LPCAT1: variants seen among roughly 807,000 people sequenced by gnomAD.
LPCAT1 encodes the protein 1-acylglycerol-3-phosphate O-acyltransferase.
A neutral mutation model predicts 60.9 loss-of-function variants in LPCAT1; 23 were observed. The observed-to-expected ratio is 0.38, with a 90% CI of 0.27 to 0.53. The LOEUF (loss-of-function observed/expected upper bound fraction) is 0.53. LPCAT1 is among the 20% of genes least tolerant of loss of function. The pLI, the probability that LPCAT1 is intolerant of heterozygous loss-of-function variation, is 0.82. For missense variants in LPCAT1, 622 were observed against 723.6 expected, an observed-to-expected ratio of 0.86 and a Z score of 1.61; for synonymous variants, 340 against 301.1, an observed-to-expected ratio of 1.13 and a Z score of -1.34.
Position 1,483,293 on chromosome 5 carries a change from C to T in LPCAT1, c.726+135G>A. 9.9e-7 allele frequency: 1 copy of T among 1,010,404 alleles called. No homozygotes were observed. Among genetic ancestry groups the T allele is most frequent in the Non-Finnish European group, 1.6e-6 (1 of 642,266 alleles). The allele number at this position is 1,010,404 out of a possible 1,614,324, so 62.6% of individuals were successfully genotyped here. ...CTCCAGCGCTGAGGCCGGATGGACT[C>T]AGCATGGCCAAGTGTGGGCTGTGGC... On this transcript the variant is annotated intron_variant, in intron 6 of 13. Coordinates refer to ENST00000283415, the MANE Select transcript of LPCAT1 (RefSeq NM_024830.5). The surrounding 1 kb of genome is among the most constrained non-coding windows in gnomAD (Gnocchi z 9.2).
chr5:1,469,503 G>T (rs551621416), intron 12 of LPCAT1, among the ~76,000 whole-genome samples: 1 of 152,364 alleles, frequency 6.6e-6, no homozygotes, highest in South Asian at 2.1e-4. Flanking sequence ...AGAACGGGGG[G>T]CGGTGGCTCA....
At chr5:1,509,815 G>A (rs2963284) in intron 1 of LPCAT1, among the ~76,000 whole-genome samples, 6 of 152,128 alleles carry the variant, frequency 3.9e-5, no homozygotes, top group Non-Finnish European at 5.9e-5. Flanking sequence ...ATGTGAAAAA[G>A]TGGCACCGTG....
At chr5:1,504,692 C>G (rs1209767259) in intron 1 of LPCAT1, among the ~76,000 whole-genome samples, 3 of 113,050 alleles carry the variant, frequency 2.7e-5, no homozygotes, top group African/African-American at 1.1e-4. Context: ...CTAGCCTGGG[C>G]AACAAGAGCG....
chr5:1,485,950 G>A lies in LPCAT1; in HGVS notation c.667+2441C>T, dbSNP rs556323223. 5.9e-5 allele frequency among the ~76,000 whole-genome samples: 9 copies of A among 152,338 alleles called. No homozygotes were observed. The South Asian group carries it at 1.7e-3, about 28-fold the overall frequency. On this transcript the variant is annotated intron_variant, in intron 5 of 13. Transcript: ENST00000283415. ...GCATCCTCGGGCTGTCAGTGCCATC[G>A]CTGGGCCCACGCAGCATCCTAGGGC... is the stretch of plus-strand genomic sequence containing the variant.
In LPCAT1 at chr5:1,463,603, C is replaced by T. The variant is rs765237765; in HGVS notation, c.*48G>A. On this transcript the variant is annotated 3_prime_UTR_variant, in exon 14 of 14. Transcript: ENST00000283415. ...AGGTCACTCGCAAAGAGGCTCATGG[C>T]GGTGATGTCCACGCGGGAGGGGCCG... The T allele has an allele frequency of 2.4e-5, 38 of 1,595,038 alleles. No individual in the cohort carries two copies. The African/African-American group carries it at 3.4e-4, about 14-fold the overall frequency.
In LPCAT1 at chr5:1,496,215, G is replaced by T. The variant is rs906783562; in HGVS notation, c.279-1301C>A. The stretch of plus-strand genomic sequence containing the variant: ...GTCTCTACTAAAAATACAAAAATTA[G>T]CTGGGCATGGTGGCAGGCGTCTGTA... On this transcript the variant is annotated intron_variant, in intron 2 of 13. Transcript: ENST00000283415. This position sits in a 1 kb window ranked among gnomAD's most constrained non-coding sequence, Gnocchi z 4.7. Among the ~76,000 whole-genome samples the T allele has an allele frequency of 1.3e-5, 2 of 152,050 alleles. No homozygotes were observed. Among genetic ancestry groups the T allele is most frequent in the Non-Finnish European group, 2.9e-5 (2 of 68,004 alleles).
At chr5:1,504,521 A>G (rs1265751131) in intron 1 of LPCAT1, among the ~76,000 whole-genome samples, 1 of 152,218 alleles carries the variant, frequency 6.6e-6, no homozygotes, top group Non-Finnish European at 1.5e-5. Flanking sequence ...GTTCGAGACC[A>G]GCCTGACCAA....
chr5:1,483,314 G>A lies in LPCAT1; in HGVS notation c.726+114C>T. 1 of 1,154,100 alleles carries A rather than the reference G, an allele frequency of 8.7e-7. No individual in the cohort carries two copies. The highest frequency in any genetic ancestry group is 1.3e-6 in the Non-Finnish European group (1 of 767,152). The allele number at this position is 1,154,100 out of a possible 1,614,324, so 71.5% of individuals were successfully genotyped here. A position where few individuals can be genotyped will look rare whatever the true frequency, so the allele number is the denominator to read the frequency against. On this transcript the variant is annotated intron_variant, in intron 6 of 13. Coordinates refer to ENST00000283415, the MANE Select transcript of LPCAT1 (RefSeq NM_024830.5). This position sits in a 1 kb window ranked among gnomAD's most constrained non-coding sequence, Gnocchi z 9.2. Reference sequence around the variant, plus strand: ...GACTCAGCATGGCCAAGTGTGGGCTGTGGCGCAGATAAAGGGTGTGGAGAG... The same window carrying A: ...GACTCAGCATGGCCAAGTGTGGGCTATGGCGCAGATAAAGGGTGTGGAGAG...
chr5:1,473,491 C>T (rs563163965), intron 11 of LPCAT1, among the ~76,000 whole-genome samples: 27 of 152,352 alleles, frequency 1.8e-4, no homozygotes, highest in African/African-American at 5.3e-4. Flanking sequence ...CTGGGGATGA[C>T]GTGCGGAGGG....
At chr5:1,519,768 G>T (rs1485432556) in intron 1 of LPCAT1, among the ~76,000 whole-genome samples, 1 of 152,242 alleles carries the variant, frequency 6.6e-6, no homozygotes, top group East Asian at 1.9e-4. Context: ...TCACACCCAG[G>T]TCATCAGAAG....
chr5:1,519,718 T>C (rs76945199), intron 1 of LPCAT1, among the ~76,000 whole-genome samples: 11,857 of 152,210 alleles, frequency 0.078, 545 homozygotes, highest in African/African-American at 0.12. Context: ...CACGGGAAAA[T>C]GACGCTTGGG....
In LPCAT1 at chr5:1,463,635, T is replaced by C. The variant is rs1734199408; in HGVS notation, c.*16A>G. The C allele has an allele frequency of 6.2e-7, 1 of 1,613,346 alleles. No individual in the cohort carries two copies. The highest frequency in any genetic ancestry group is 8.5e-7 in the Non-Finnish European group (1 of 1,179,882). ...GTCCACGCGGGAGGGGCCGCGTCTC[T>C]CCGCAACCCTGGGTCCTAATCCAGC... On this transcript the variant is annotated 3_prime_UTR_variant, in exon 14 of 14. Coordinates refer to ENST00000283415, the MANE Select transcript of LPCAT1 (RefSeq NM_024830.5).
intron 1 of LPCAT1, among the ~76,000 whole-genome samples, chr5:1,503,338 A>G (rs1736084062): frequency 7.2e-6 from 1 of 139,846 alleles, no homozygotes; most frequent in African/African-American, 2.6e-5. Flanking sequence ...ACTGCTGAGA[A>G]ACCTTCCCAG....
At chr5:1,499,925 C>T (rs530349587) in intron 2 of LPCAT1, among the ~76,000 whole-genome samples, 23 of 152,264 alleles carry the variant, frequency 1.5e-4, no homozygotes, top group Non-Finnish European at 3.4e-4. Flanking sequence ...ATACAGCCCA[C>T]AGATCAGACA....
chr5:1,466,920 G>C (rs1734436535), intron 12 of LPCAT1, 30 bp from the exon 13 acceptor site: 3 of 1,533,648 alleles, frequency 2.0e-6, no homozygotes, highest in Non-Finnish European at 2.6e-6. Flanking sequence ...TCACCTTGCA[G>C]CCTCCTCCCC....
Position 1,519,989 on chromosome 5 carries a change from C to T in LPCAT1, c.135+3721G>A, listed in dbSNP as rs528908572. ...ACCCCACCCCTCCACATCCACTGCC[C>T]GGCAATGGGGCTGAGCGAAGAGCCA... is the stretch of plus-strand genomic sequence containing the variant. On this transcript the variant is annotated intron_variant, in intron 1 of 13. Transcript: ENST00000283415. 7.9e-5 allele frequency among the ~76,000 whole-genome samples: 12 copies of T among 152,350 alleles called. No homozygotes were observed. In the South Asian group the frequency reaches 1.2e-3, roughly 16 times the overall value.
chr5:1,476,334 G>A lies in LPCAT1; in HGVS notation c.899+1070C>T, dbSNP rs1211586836. On this transcript the variant is annotated intron_variant, in intron 9 of 13. Coordinates refer to ENST00000283415, the MANE Select transcript of LPCAT1 (RefSeq NM_024830.5). This position sits in a 1 kb window ranked among gnomAD's most constrained non-coding sequence, Gnocchi z 8.6. ...GTGGGGGTTGAGTGGAGCTTTGCGG[G>A]ACAGAGACTGCCGGGCCCATTTCTA... 6.6e-6 allele frequency among the ~76,000 whole-genome samples: 1 copy of A among 152,150 alleles called. No individual in the cohort carries two copies. Among genetic ancestry groups the A allele is most frequent in the Non-Finnish European group, 1.5e-5 (1 of 68,034 alleles).
intron 12 of LPCAT1, among the ~76,000 whole-genome samples, chr5:1,468,262 C>G (rs899968195): frequency 7.9e-5 from 12 of 152,258 alleles, no homozygotes; most frequent in African/African-American, 2.7e-4. Flanking sequence ...CACGCGGCCA[C>G]CCTGTCTTCT....
rs1226193956 is a variant in LPCAT1, at chr5:1,523,342, C to T, written c.135+368G>A. Reference sequence around the variant, plus strand: ...CGGGGACCGGCGATGCGGGTCCAGCCTCCCGCGGGAGCCGAGGTCGGGGCT... The same window carrying T: ...CGGGGACCGGCGATGCGGGTCCAGCTTCCCGCGGGAGCCGAGGTCGGGGCT... On this transcript the variant is annotated intron_variant, in intron 1 of 13. Coordinates refer to ENST00000283415, the MANE Select transcript of LPCAT1 (RefSeq NM_024830.5). This position sits in a 1 kb window ranked among gnomAD's most constrained non-coding sequence, Gnocchi z 7.1. Among the ~76,000 whole-genome samples, 1 of 151,874 alleles carries T rather than the reference C, an allele frequency of 6.6e-6. No individual in the cohort carries two copies. Among genetic ancestry groups the T allele is most frequent in the Non-Finnish European group, 1.5e-5 (1 of 67,916 alleles).
Sources: gnomAD v4.1 joint callset for allele counts (sites outside exome capture counted in the v4.1 genomes callset) on GRCh38, gnomAD v4.1.1 for gene constraint, Gnocchi (gnomAD v3.1) non-coding constraint, MANE v1.5 for transcripts, NCBI Gene and HGNC (gene_info 2026-07-23, HGNC 2026-07-21) for gene names.